PPFIBP2: variants seen among roughly 807,000 people sequenced by gnomAD.
PPFIBP2 encodes the protein liprin-beta-2.
Under a neutral mutation model 118.3 loss-of-function variants are expected in PPFIBP2, and 118 were observed. The ratio of observed to expected loss-of-function variants is 1.00; its 90% CI spans 0.86 to 1.16. The LOEUF (loss-of-function observed/expected upper bound fraction) is 1.16, where lower values mean the gene tolerates loss of function less well. PPFIBP2 is among the 50% of genes most tolerant of loss of function. The pLI is 0.00. For synonymous variants in PPFIBP2, 414 were observed against 397.4 expected (o/e 1.04, Z -0.50); for missense variants, 1,195 against 1,073.1 (o/e 1.11, Z -1.59).
At chr11:7,639,652 AG>A (rs1851876963) in intron 14 of PPFIBP2, 79 bp from the exon 15 acceptor site, 1 of 1,575,762 alleles carries the variant, frequency 6.3e-7, no homozygotes, top group East Asian at 2.2e-5. Flanking sequence ...CAAAACAGGG[AG>A]TTGTTCTGTA....
intron 1 of PPFIBP2, among the ~76,000 whole-genome samples, chr11:7,521,075 G>A (rs1849715572): frequency 6.6e-6 from 1 of 152,166 alleles, no homozygotes; most frequent in Admixed American, 6.5e-5. Context: ...TCCGAGCTTT[G>A]TCTTCAGCAA....
intron 1 of PPFIBP2, among the ~76,000 whole-genome samples, chr11:7,527,535 GACC>G (rs1850336827): frequency 6.6e-6 from 1 of 152,122 alleles, no homozygotes; most frequent in South Asian, 2.1e-4. Context: ...GTGATGATGG[GACC>G]ACAAGATGAA....
intron 23 of PPFIBP2, among the ~76,000 whole-genome samples, chr11:7,652,714 C>A (rs1854227838): frequency 6.6e-6 from 1 of 152,208 alleles, no homozygotes; most frequent in Non-Finnish European, 1.5e-5. Context: ...ATGCAGACCT[C>A]AAGTACATTC....
At chr11:7,604,229 A>T (rs914984245) in intron 5 of PPFIBP2, among the ~76,000 whole-genome samples, 32 of 152,192 alleles carry the variant, frequency 2.1e-4, no homozygotes, top group African/African-American at 7.2e-4. Context: ...GAAAACCGAG[A>T]GCAAGGAAGA....
intron 1 of PPFIBP2, among the ~76,000 whole-genome samples, chr11:7,533,060 T>G (rs1243499170): frequency 6.6e-6 from 1 of 151,550 alleles, no homozygotes; most frequent in African/African-American, 2.4e-5. Context: ...TTGCTTAGCA[T>G]TCTAAAATAA....
intron 3 of PPFIBP2, among the ~76,000 whole-genome samples, chr11:7,584,069 T>C (rs1247690685): frequency 1.3e-5 from 2 of 152,356 alleles, no homozygotes; most frequent in East Asian, 1.9e-4. Flanking sequence ...ATAGTACTTA[T>C]TACATCCTGC....
the PPFIBP2 span, chr11:7,665,789 T>C: frequency 2.0e-5 from 29 of 1,473,594 alleles, no homozygotes; most frequent in East Asian, 5.2e-4. Flanking sequence ...CTGTCAGCTG[T>C]CAGCATTGAC....
intron 4 of PPFIBP2, among the ~76,000 whole-genome samples, chr11:7,596,357 G>C (rs932711531): frequency 6.6e-6 from 1 of 150,744 alleles, no homozygotes; most frequent in Non-Finnish European, 1.5e-5. Flanking sequence ...TGCGTGTAAG[G>C]TGGACCAAGT....
intron 1 of PPFIBP2, among the ~76,000 whole-genome samples, chr11:7,524,563 G>T (rs1850058066): frequency 6.6e-6 from 1 of 152,190 alleles, no homozygotes; most frequent in South Asian, 2.1e-4. Flanking sequence ...ACTTTTGAAG[G>T]TTCCAGAGTA....
chr11:7,586,431 C>A (rs1472001675), intron 3 of PPFIBP2, among the ~76,000 whole-genome samples: 1 of 152,152 alleles, frequency 6.6e-6, no homozygotes, highest in Non-Finnish European at 1.5e-5. Context: ...ATTTAAAAAT[C>A]ATTTCCATAT....
At chr11:7,602,479 A>G (rs1846790110) in intron 5 of PPFIBP2, among the ~76,000 whole-genome samples, 1 of 152,116 alleles carries the variant, frequency 6.6e-6, no homozygotes, top group African/African-American at 2.4e-5. Context: ...CTGCACAATA[A>G]GCTCCTCTGC....
chr11:7,619,543 C>T (rs907030686), intron 6 of PPFIBP2, among the ~76,000 whole-genome samples: 2 of 152,260 alleles, frequency 1.3e-5, no homozygotes, highest in Non-Finnish European at 2.9e-5. Context: ...CCCCCAGATG[C>T]CATGGGGTCA....
chr11:7,519,320 G>A (rs1849521157), intron 1 of PPFIBP2, among the ~76,000 whole-genome samples: 1 of 152,166 alleles, frequency 6.6e-6, no homozygotes. Flanking sequence ...CTGCGAGAAT[G>A]GAGGAGAAGG....
chr11:7,537,535 G>A (rs983495114), intron 1 of PPFIBP2, among the ~76,000 whole-genome samples: 3 of 152,162 alleles, frequency 2.0e-5, no homozygotes, highest in African/African-American at 7.2e-5. Flanking sequence ...GCCTAGTCCT[G>A]GCTCTTCACA....
chr11:7,612,258 G>T (rs558401656), intron 6 of PPFIBP2, among the ~76,000 whole-genome samples: 2 of 152,304 alleles, frequency 1.3e-5, no homozygotes, highest in East Asian at 1.9e-4. Context: ...CAGTAGCTCC[G>T]GAATGATATC....
intron 1 of PPFIBP2, among the ~76,000 whole-genome samples, chr11:7,516,018 T>G (rs1191164379): frequency 6.6e-6 from 1 of 152,188 alleles, no homozygotes; most frequent in Non-Finnish European, 1.5e-5. Context: ...CATTTCCCTA[T>G]GTGTAGCAAG....
intron 6 of PPFIBP2, among the ~76,000 whole-genome samples, chr11:7,619,002 T>A (rs1339157000): frequency 6.6e-6 from 1 of 152,018 alleles, no homozygotes; most frequent in Non-Finnish European, 1.5e-5. Context: ...ATGTCAACTT[T>A]GTGGTGGATT....
the PPFIBP2 span, among the ~76,000 whole-genome samples, chr11:7,664,830 G>A: frequency 3.2e-5 from 4 of 123,514 alleles, no homozygotes; most frequent in Non-Finnish European, 6.5e-5. Flanking sequence ...ACAGACCCTC[G>A]TTTGGGTTTC....
intron 2 of PPFIBP2, among the ~76,000 whole-genome samples, chr11:7,557,181 C>G (rs188239825): frequency 6.6e-6 from 1 of 152,008 alleles, no homozygotes; most frequent in Admixed American, 6.5e-5. Flanking sequence ...TCCAATAATT[C>G]TCTCATCTGC....
Sources: allele counts gnomAD v4.1 joint callset (sites outside exome capture counted in the v4.1 genomes callset), GRCh38; gene constraint gnomAD v4.1.1; transcripts MANE v1.5; gene names NCBI Gene and HGNC (gene_info 2026-07-23, HGNC 2026-07-21).